Variants in PCBD1 observed in about 807,000 individuals in gnomAD.
PCBD1 encodes the protein pterin-4-alpha-carbinolamine dehydratase.
A neutral mutation model predicts 12.6 loss-of-function variants in PCBD1; 16 were observed. The ratio of observed to expected loss-of-function variants is 1.27; its 90% confidence interval spans 0.86 to 1.93. PCBD1 has a LOEUF of 1.93. Among genes scored for constraint, PCBD1 ranks in the 30% most tolerant of loss-of-function variants. PCBD1 has a pLI of 0.00. For synonymous variants in PCBD1, 53 were observed against 50.2 expected (o/e 1.05, Z -0.23); for missense variants, 86 against 130.1 (o/e 0.66, Z 1.65).
chr10:70,888,266 G>T, intron 1 of PCBD1: 1 of 352,968 alleles, frequency 2.8e-6, no homozygotes, highest in Admixed American at 4.9e-5. Flanking sequence ...CCCCCGGAAG[G>T]GTCCCGGAAC....
At chr10:70,887,019 T>C (rs1046938940) in intron 1 of PCBD1, among the ~76,000 whole-genome samples, 4 of 152,032 alleles carry the variant, frequency 2.6e-5, no homozygotes, top group African/African-American at 9.7e-5. Context: ...TGAGGGAGGT[T>C]GATTTAGCTT....
At chr10:70,884,649 T>A (rs1321184109) in intron 3 of PCBD1, among the ~76,000 whole-genome samples, 1 of 152,108 alleles carries the variant, frequency 6.6e-6, no homozygotes, top group African/African-American at 2.4e-5. Flanking sequence ...GCCCGCCTAA[T>A]TTTTTTGTGT....
In PCBD1 at chr10:70,884,057, A is replaced by G; in HGVS notation, c.217-9T>C. 1.2e-6 allele frequency: 2 copies of G among 1,613,352 alleles called. No individual in the cohort carries two copies. Among genetic ancestry groups the G allele is most frequent in the Non-Finnish European group, 1.7e-6 (2 of 1,179,724 alleles). Reference sequence around the variant, plus strand: ...CTCAGCGTGATGTGGACCTGAAATGAAACCAGAAATTCTGCTTCCACTGAC... The same window carrying G: ...CTCAGCGTGATGTGGACCTGAAATGGAACCAGAAATTCTGCTTCCACTGAC... On this transcript the variant is annotated splice_polypyrimidine_tract_variant and intron_variant, in intron 3 of 3. Transcript: ENST00000299299.
chr10:70,885,047 G>T, intron 3 of PCBD1, 105 bp downstream of exon 3: 1 of 877,260 alleles, frequency 1.1e-6, no homozygotes, highest in Non-Finnish European at 2.0e-6. Flanking sequence ...GATGACCTAT[G>T]GGTCAGGAAG....
chr10:70,883,186 C>T (rs1367402317), downstream of PCBD1, among the ~76,000 whole-genome samples: 1 of 126,878 alleles, frequency 7.9e-6, no homozygotes, highest in Non-Finnish European at 1.7e-5. Flanking sequence ...TCAAAGCCTC[C>T]AGATTTGCCC....
chr10:70,887,125 T>G (rs1230962203), intron 1 of PCBD1, among the ~76,000 whole-genome samples: 2 of 152,140 alleles, frequency 1.3e-5, no homozygotes, highest in Non-Finnish European at 2.9e-5. Flanking sequence ...TGTACCTCTC[T>G]TGGCAGAACC....
At chr10:70,886,149 G>A (rs1846579498) in intron 1 of PCBD1, among the ~76,000 whole-genome samples, 1 of 152,102 alleles carries the variant, frequency 6.6e-6, no homozygotes. Context: ...CTCAGGTCTT[G>A]GGTTTTAACA....
downstream of PCBD1, among the ~76,000 whole-genome samples, chr10:70,883,194 C>A (rs1205521865): frequency 1.2e-5 from 1 of 85,994 alleles, no homozygotes; most frequent in Non-Finnish European, 2.4e-5. Context: ...TCCAGATTTG[C>A]CCTTTTCACC....
intron 1 of PCBD1, among the ~76,000 whole-genome samples, chr10:70,886,368 C>A (rs902110899): frequency 1.4e-4 from 22 of 152,320 alleles, no homozygotes; most frequent in Admixed American, 9.8e-4. Context: ...GACTCTCCCC[C>A]CTTCCTTTTC....
Position 70,885,933 on chromosome 10 carries a change from G to A in PCBD1, c.4-4C>T. On this transcript the variant is annotated splice_polypyrimidine_tract_variant and splice_region_variant and intron_variant, in intron 1 of 3. Coordinates refer to ENST00000299299, the MANE Select transcript of PCBD1 (RefSeq NM_000281.4). ...TCAGCCTGTGTGCTTTGCCAGCCTAGAAGAGGGAAAAAAACAGAGGCCCAA... is the reference window on the plus strand; with the variant it reads ...TCAGCCTGTGTGCTTTGCCAGCCTAAAAGAGGGAAAAAAACAGAGGCCCAA... 1 of 1,613,526 alleles carries A rather than the reference G, an allele frequency of 6.2e-7. No homozygotes were observed. Among genetic ancestry groups the A allele is most frequent in the Non-Finnish European group, 8.5e-7 (1 of 1,179,856 alleles).
At chr10:70,882,799 C>A (rs1446336028), downstream of PCBD1, among the ~76,000 whole-genome samples, 2 of 152,210 alleles carry the variant, frequency 1.3e-5, no homozygotes, top group African/African-American at 2.4e-5. Flanking sequence ...TTAGCCATCA[C>A]AGCCAGGAAG....
At chr10:70,884,458 T>C (rs961824983) in intron 3 of PCBD1, among the ~76,000 whole-genome samples, 4 of 150,764 alleles carry the variant, frequency 2.7e-5, no homozygotes, top group African/African-American at 9.8e-5. Context: ...AATAATTTGA[T>C]AGGTTGGCTA....
chr10:70,887,905 C>G (rs1442311941), intron 1 of PCBD1: 3 of 152,568 alleles, frequency 2.0e-5, no homozygotes, highest in African/African-American at 7.2e-5. Flanking sequence ...CGCGAGCTTA[C>G]AGCAGAGCAA....
chr10:70,883,358 T>C (rs1043006545), downstream of PCBD1, among the ~76,000 whole-genome samples: 5 of 152,226 alleles, frequency 3.3e-5, no homozygotes, highest in East Asian at 9.6e-4. Context: ...CCCTAGATGA[T>C]AATGAATCTG....
chr10:70,887,460 C>T (rs1386246064), intron 1 of PCBD1, among the ~76,000 whole-genome samples: 1 of 152,178 alleles, frequency 6.6e-6, no homozygotes, highest in Non-Finnish European at 1.5e-5. Context: ...GTCTCTACTC[C>T]AGAGCTGGCC....
chr10:70,884,799 G>A (rs1288067136), intron 3 of PCBD1, among the ~76,000 whole-genome samples: 1 of 152,074 alleles, frequency 6.6e-6, no homozygotes, highest in Non-Finnish European at 1.5e-5. Context: ...CATACCTCCA[G>A]CAAGATTAAA....
chr10:70,888,352 G>T, intron 1 of PCBD1, 179 bp downstream of exon 1: 1 of 578,406 alleles, frequency 1.7e-6, no homozygotes, highest in Non-Finnish European at 2.6e-6. Context: ...CCCTCTCAGG[G>T]CTTCAGCTTC....
At position 70,883,690 on chromosome 10, in the gene PCBD1, A is replaced by C; in HGVS notation, c.*260T>G. On this transcript the variant is annotated 3_prime_UTR_variant, in exon 4 of 4. Coordinates refer to ENST00000299299, the MANE Select transcript of PCBD1 (RefSeq NM_000281.4). ...AAGAAAATCATTATTGTTGCTGGGA[A>C]GTTGCAAAGAAAGGGGAGAGTTTAT... 1.5e-6 allele frequency: 2 copies of C among 1,333,830 alleles called. No individual in the cohort carries two copies. The highest frequency in any genetic ancestry group is 1.9e-6 in the Non-Finnish European group (2 of 1,036,072). 82.6% of individuals were successfully genotyped at this position (1,333,830 alleles called of 1,614,324 possible).
At position 70,883,813 on chromosome 10, in the gene PCBD1, A is replaced by G; in HGVS notation, c.*137T>C. 6.5e-7 allele frequency: 1 copy of G among 1,528,224 alleles called. No individual in the cohort carries two copies. Among genetic ancestry groups the G allele is most frequent in the Non-Finnish European group, 8.8e-7 (1 of 1,138,008 alleles). The allele number at this position is 1,528,224 out of a possible 1,614,324, so 94.7% of individuals were successfully genotyped here. ...TGGGGACACTGGCACATCCCACAGC[A>G]AGGACTCAGCCCTCAACGGCGGCGG... On this transcript the variant is annotated 3_prime_UTR_variant, in exon 4 of 4. Coordinates refer to ENST00000299299, the MANE Select transcript of PCBD1 (RefSeq NM_000281.4).
Sources: gnomAD v4.1 joint callset for allele counts (sites outside exome capture counted in the v4.1 genomes callset) on GRCh38, gnomAD v4.1.1 for gene constraint, MANE v1.5 for transcripts, NCBI Gene and HGNC (gene_info 2026-07-23, HGNC 2026-07-21) for gene names.